The following MYH3 variants were observed in gnomAD, a reference collection of about 807,000 sequenced individuals.
MYH3 encodes the protein myosin heavy chain 3, also known as myosin-3.
MYH3 carries 130 observed loss-of-function variants against 238.0 expected under a neutral mutation model. The observed-to-expected ratio is 0.55, with a 90% CI of 0.47 to 0.63. The LOEUF (loss-of-function observed/expected upper bound fraction) is 0.63, where lower values mean the gene tolerates loss of function less well. Among genes scored for constraint, MYH3 ranks in the 30% least tolerant of loss-of-function variants. The pLI is 0.00. For missense variants in MYH3, 1,853 were observed against 2,374.9 expected, an observed-to-expected ratio of 0.78 and a Z score of 4.57; for synonymous variants, 880 against 924.1, an observed-to-expected ratio of 0.95 and a Z score of 0.86.
At chr17:10,662,629 G>A in the MYH3 span, among the ~76,000 whole-genome samples, 1 of 152,188 alleles carries the variant, frequency 6.6e-6, no homozygotes, top group Non-Finnish European at 1.5e-5. Context: ...CAGTTCGCAT[G>A]TAAATTTTTC....
rs1439747650 is a variant in MYH3 at position 10,631,725 on chromosome 17, G to A, written c.5172C>T (p.Leu1724=). 8 of 1,614,156 alleles carry A rather than the reference G, an allele frequency of 5.0e-6. No individual in the cohort carries two copies. Among genetic ancestry groups the A allele is most frequent in the Non-Finnish European group, 6.8e-6 (8 of 1,180,026 alleles). ...VQLLHTQNTS[L]IHTKKKLETD... ...TCTCCAGCTTCTTCTTGGTGTGGATGAGGCTGGTGTTCTAGGGCAAGAGGA... is the reference window on the plus strand; with the variant it reads ...TCTCCAGCTTCTTCTTGGTGTGGATAAGGCTGGTGTTCTAGGGCAAGAGGA... Residue 1724 remains leucine (L), a synonymous_variant, in exon 36 of 41, where the codon CTC becomes CTT. Coordinates refer to ENST00000583535, the MANE Select transcript of MYH3 (RefSeq NM_002470.4).
upstream of MYH3, among the ~76,000 whole-genome samples, chr17:10,659,696 C>G (rs1281271142): frequency 6.6e-6 from 1 of 152,180 alleles, no homozygotes; most frequent in Non-Finnish European, 1.5e-5. Context: ...CAGAAAGGCA[C>G]CCATGCTGAT....
chr17:10,651,732 T>TTTA (rs138453847), intron 4 of MYH3, 64 bp from the exon 5 acceptor site: 2 of 1,101,396 alleles, frequency 1.8e-6, no homozygotes, highest in African/African-American at 1.5e-5. Flanking sequence ...ACCCCTTGCC[T>TTTA]TTATTATTAT....
At position 10,635,853 on chromosome 17, in the gene MYH3, C is replaced by T. The variant is rs1446944254; in HGVS notation, c.3857G>A (p.Gly1286Asp). The T allele has an allele frequency of 6.2e-7, 1 of 1,609,014 alleles. No homozygotes were observed. Among genetic ancestry groups the T allele is most frequent in the Non-Finnish European group, 8.5e-7 (1 of 1,175,318 alleles). Residue 1286 changes from glycine (G) to aspartate (D), a missense_variant and splice_region_variant, in exon 29 of 41, where the codon GGT becomes GAT. By Grantham distance (94) the Gly-to-Asp change is moderately conservative. Transcript: ENST00000583535. ...TTCTTCCAGCTGACGACTCAGCTCA[C>T]CTGTGTCCAGAAGGAAATAGTTTCA... Reference protein sequence around the residue: ...TQKSRLQTEAGELSRQLEEKE... With the variant: ...TQKSRLQTEADELSRQLEEKE...
chr17:10,650,513 T>C, intron 5 of MYH3, 112 bp from the exon 6 acceptor site: 1 of 1,008,002 alleles, frequency 9.9e-7, no homozygotes, highest in South Asian at 1.4e-5. Context: ...TTCCTTTACA[T>C]TTTTTGTTTA....
intron 7 of MYH3, 59 bp from the exon 8 acceptor site, chr17:10,648,708 T>C (rs1597491208): frequency 2.1e-6 from 3 of 1,432,714 alleles, no homozygotes; most frequent in African/African-American, 2.8e-5. Context: ...GGAGTTACAC[T>C]CTTGTTGCCC....
At chr17:10,655,519 A>T (rs1473275960) in intron 2 of MYH3, among the ~76,000 whole-genome samples, 3 of 152,214 alleles carry the variant, frequency 2.0e-5, no homozygotes, top group South Asian at 4.1e-4. Flanking sequence ...GAACCATTTC[A>T]ATCAAGGTGG....
the MYH3 span, chr17:10,676,867 T>C: frequency 6.6e-6 from 1 of 152,214 alleles, no homozygotes; most frequent in East Asian, 1.9e-4. Context: ...ATTGGAAAAG[T>C]ATATAGAAAA....
upstream of MYH3, among the ~76,000 whole-genome samples, chr17:10,659,401 C>A (rs953580180): frequency 2.6e-5 from 4 of 152,216 alleles, no homozygotes; most frequent in Non-Finnish European, 5.9e-5. Flanking sequence ...ATAAGTGAAT[C>A]TAGGAGAAAA....
chr17:10,645,691 C>A lies in MYH3; in HGVS notation c.1141+16G>T. On this transcript the variant is annotated intron_variant, in intron 12 of 40. Transcript: ENST00000583535. The stretch of plus-strand genomic sequence containing the variant: ...TCAGCCACCCGCTCTGGTTTGCTGT[C>A]ACACTGATTTTGTACCTTCTGTGCC... The A allele has an allele frequency of 6.2e-7, 1 of 1,612,082 alleles. No homozygotes were observed. The highest frequency in any genetic ancestry group is 8.5e-7 in the Non-Finnish European group (1 of 1,179,918).
chr17:10,668,270 C>T, the MYH3 span, among the ~76,000 whole-genome samples: 1 of 152,204 alleles, frequency 6.6e-6, no homozygotes, highest in East Asian at 1.9e-4. Context: ...TGGCGCGTGC[C>T]TGTAGTCCCA....
chr17:10,640,411 G>A lies in MYH3; in HGVS notation c.2348C>T (p.Ala783Val), dbSNP rs1282318265. Reference protein sequence around the residue: ...TLEEMRDDRLAKLITRTQAVC... With the variant: ...TLEEMRDDRLVKLITRTQAVC... ...AGCTTGTGTCCGGGTGATTAGTTTG[G>A]CCAGGCGGTCATCCCGCATCTCTTC... is the stretch of plus-strand genomic sequence containing the variant. The change falls in exon 21 of 41, where the codon GCC becomes GTC. Residue 783 changes from alanine to valine, a missense_variant. Transcript: ENST00000583535. The A allele has an allele frequency of 6.2e-7, 1 of 1,614,094 alleles. No individual in the cohort carries two copies. The highest frequency in any genetic ancestry group is 1.1e-5 in the South Asian group (1 of 91,086).
the MYH3 span, among the ~76,000 whole-genome samples, chr17:10,671,681 G>A: frequency 6.8e-6 from 1 of 147,594 alleles, no homozygotes; most frequent in East Asian, 2.1e-4. Flanking sequence ...CCGGGTTCAT[G>A]CCATTCTCCT....
At position 10,630,471 on chromosome 17, in the gene MYH3, T is replaced by A. The variant is rs767698090; in HGVS notation, c.5287-13A>T. Reference sequence around the variant, plus strand: ...CCATCATGGCAGCCTGAAAAGCACATGGGACTTGCTAGGATGCAGAGGAAG... The same window carrying A: ...CCATCATGGCAGCCTGAAAAGCACAAGGGACTTGCTAGGATGCAGAGGAAG... On this transcript the variant is annotated splice_polypyrimidine_tract_variant and intron_variant, in intron 36 of 40. Coordinates refer to ENST00000583535, the MANE Select transcript of MYH3 (RefSeq NM_002470.4). 6.2e-7 allele frequency: 1 copy of A among 1,614,028 alleles called. No homozygotes were observed. The highest frequency in any genetic ancestry group is 1.7e-5 in the Admixed American group (1 of 60,016).
At chr17:10,649,330 C>A (rs1424001567) in intron 7 of MYH3, among the ~76,000 whole-genome samples, 1 of 152,232 alleles carries the variant, frequency 6.6e-6, no homozygotes, top group Non-Finnish European at 1.5e-5. Context: ...TCTGAGCCGT[C>A]TGCAGATTGA....
At chr17:10,631,545 C>G (rs1597481076) in intron 36 of MYH3, 66 bp downstream of exon 36, 2 of 1,612,962 alleles carry the variant, frequency 1.2e-6, no homozygotes, top group East Asian at 4.5e-5. Context: ...ACCTGTCTAA[C>G]TATGTGAGGG....
intron 28 of MYH3, 38 bp from the exon 29 acceptor site, chr17:10,635,891 A>C (rs758062609): frequency 5.2e-6 from 8 of 1,528,518 alleles, no homozygotes; most frequent in Non-Finnish European, 7.3e-6. Context: ...TCATTTATTC[A>C]CTCATTCACT....
the MYH3 span, among the ~76,000 whole-genome samples, chr17:10,669,550 G>C: frequency 6.9e-6 from 1 of 144,590 alleles, no homozygotes; most frequent in Non-Finnish European, 1.5e-5. Context: ...CTGGGTGACA[G>C]AGTGAGAGTC....
chr17:10,651,579 T>A lies in MYH3; in HGVS notation c.438A>T (p.Lys146Asn). 1 of 1,613,940 alleles carries A rather than the reference T, an allele frequency of 6.2e-7. No individual in the cohort carries two copies. The highest frequency in any genetic ancestry group is 1.1e-5 in the South Asian group (1 of 91,066). ...NPEVVEGYRG[K>N]KRQEAPPHIF... ...TGTGGGGTGGGGCCTCCTGGCGCTTTTTGCCTCGGTAGCCTTCCACCACCT... is the reference window on the plus strand; with the variant it reads ...TGTGGGGTGGGGCCTCCTGGCGCTTATTGCCTCGGTAGCCTTCCACCACCT... Residue 146 changes from lysine (K) to asparagine (N), a missense_variant, in exon 5 of 41, where the codon AAA becomes AAT. Physicochemically the swap from Lys to Asn is moderately conservative, Grantham distance 94. Transcript: ENST00000583535.
Sources: allele counts gnomAD v4.1 joint callset (sites outside exome capture counted in the v4.1 genomes callset), GRCh38; gene constraint gnomAD v4.1.1; transcripts MANE v1.5; gene names NCBI Gene and HGNC (gene_info 2026-07-23, HGNC 2026-07-21).